Variants in NSUN2 observed in about 807,000 individuals in gnomAD.
The protein encoded by NSUN2 is NOP2/Sun RNA methyltransferase 2.
In NSUN2, 63 loss-of-function variants were observed where a neutral mutation model predicts 92.7. The observed-to-expected ratio is 0.68, with a 90% CI of 0.56 to 0.84. NSUN2 has a LOEUF of 0.84. Among genes scored for constraint, NSUN2 ranks in the 40% least tolerant of loss-of-function variants. The pLI, the probability that NSUN2 is intolerant of heterozygous loss-of-function variation, is 0.00. For synonymous variants in NSUN2, 356 were observed against 348.3 expected, an observed-to-expected ratio of 1.02 and a Z score of -0.25; for missense variants, 989 against 964.9, an observed-to-expected ratio of 1.02 and a Z score of -0.33.
intron 9 of NSUN2, among the ~76,000 whole-genome samples, chr5:6,613,779 G>A (rs1737096032): frequency 6.6e-6 from 1 of 152,182 alleles, no homozygotes; most frequent in African/African-American, 2.4e-5. Context: ...GGGAAAGAGG[G>A]TGTTATTTAC....
intron 3 of NSUN2, 57 bp downstream of exon 3, chr5:6,631,816 A>G (rs965926195): frequency 3.2e-6 from 4 of 1,251,414 alleles, no homozygotes; most frequent in Non-Finnish European, 4.6e-6. Flanking sequence ...ATATAATTCA[A>G]GTGATAGAGA....
chr5:6,626,541 G>A (rs567886325), intron 3 of NSUN2, among the ~76,000 whole-genome samples: 78 of 152,210 alleles, frequency 5.1e-4, no homozygotes, highest in African/African-American at 1.9e-3. Context: ...TAGAGATGTG[G>A]TTTTGCCGTG....
intron 2 of NSUN2, 83 bp from the exon 3 acceptor site, chr5:6,632,060 G>GTT (rs1737929767): frequency 8.7e-7 from 1 of 1,153,932 alleles, no homozygotes; most frequent in Non-Finnish European, 1.3e-6. Flanking sequence ...GACTGCAAGT[G>GTT]TTTTAAAACT....
rs776346313 is a variant in NSUN2, at chr5:6,611,727, T to C, written c.1093A>G (p.Lys365Glu). 7 of 1,613,862 alleles carry C rather than the reference T, an allele frequency of 4.3e-6. No homozygotes were observed. The highest frequency in any genetic ancestry group is 4.2e-6 in the Non-Finnish European group (5 of 1,179,880). ...LKWMPGITQW[K>E]VMTKDGQWFT... is the part of the protein sequence containing the mutation. ...GAAAGTTCTCGAGGAAAGGTTACCT[T>C]CCACTGTGTGATTCCAGGCATCCAC... is the stretch of plus-strand genomic sequence containing the variant. The change falls in exon 10 of 19, where the codon AAG (lysine) becomes GAG (glutamate). Residue 365 changes from lysine to glutamate, a missense_variant and splice_region_variant. Lys to Glu is a moderately conservative substitution (Grantham distance 56, BLOSUM62 1). Around this residue, in one of 3 missense-constraint regions of NSUN2, gnomAD observed 626 missense variants for 602.3 expected, o/e 1.04. Coordinates refer to ENST00000264670, the MANE Select transcript of NSUN2 (RefSeq NM_017755.6).
Position 6,605,715 on chromosome 5 carries a change from TG to T in NSUN2, c.1602-308del, listed in dbSNP as rs201407030. Among the ~76,000 whole-genome samples, 656 of 150,132 alleles carry T rather than the reference TG, an allele frequency of 4.4e-3. 1 individual carries two copies. Among genetic ancestry groups the T allele is most frequent in the African/African-American group, 9.9e-3 (406 of 41,160 alleles). The stretch of plus-strand genomic sequence containing the variant: ...ACTTTTGAGACTTTTTTTTTTTTTT[TG>T]ATATGGAGTCTTGCTCTGTCTTCCA... On this transcript the variant is annotated intron_variant, in intron 14 of 18. Coordinates refer to ENST00000264670, the MANE Select transcript of NSUN2 (RefSeq NM_017755.6).
intron 18 of NSUN2, among the ~76,000 whole-genome samples, chr5:6,601,634 C>G (rs1736562400): frequency 6.6e-6 from 1 of 152,092 alleles, no homozygotes; most frequent in Admixed American, 6.5e-5. Context: ...TGGGCCCGCC[C>G]CGACCCCCAG....
chr5:6,626,196 G>A (rs1737647672), intron 3 of NSUN2, among the ~76,000 whole-genome samples: 1 of 152,058 alleles, frequency 6.6e-6, no homozygotes, highest in African/African-American at 2.4e-5. Context: ...TCCTACCTTG[G>A]AAACCACTAA....
In NSUN2 at chr5:6,614,094, GGAAAAAA is replaced by G. The variant is rs1365830442; in HGVS notation, c.1022-2303_1022-2297del. 4.3e-4 allele frequency among the ~76,000 whole-genome samples: 23 copies of G among 53,408 alleles called. 3 individuals are homozygous for G. Among genetic ancestry groups the G allele is most frequent in the Admixed American group, 7.0e-4 (3 of 4,314 alleles). The allele number at this position is 53,408 out of a possible 152,430, so 35.0% of individuals were successfully genotyped here. On this transcript the variant is annotated intron_variant, in intron 9 of 18. Coordinates refer to ENST00000264670, the MANE Select transcript of NSUN2 (RefSeq NM_017755.6). Reference sequence around the variant, plus strand: ...CTGGGCAACAGAGCGAGACTGTCTCGGAAAAAAAAAAAAAAAAAAAAAAAAAAACCCA... The same window carrying G: ...CTGGGCAACAGAGCGAGACTGTCTCGAAAAAAAAAAAAAAAAAAAAACCCA...
At chr5:6,602,843 AC>A (rs1736611735) in intron 17 of NSUN2, among the ~76,000 whole-genome samples, 1 of 152,218 alleles carries the variant, frequency 6.6e-6, no homozygotes, top group Admixed American at 6.5e-5. Flanking sequence ...TATAACACCA[AC>A]TCCCAGAATG....
chr5:6,630,530 T>C (rs948784512), intron 3 of NSUN2, among the ~76,000 whole-genome samples: 18 of 152,194 alleles, frequency 1.2e-4, no homozygotes, highest in Non-Finnish European at 1.3e-4. Context: ...TATTCCTATA[T>C]CCCAGCAACA....
Position 6,604,275 on chromosome 5 carries a change from C to G in NSUN2, c.1820G>C (p.Gly607Ala). ...FDCAFRLAQE[G>A]IYTLYPFINS... ...AATAAATGGATACAATGTATATATT[C>G]CCTGTGTGAATAAAGAGAATGAGAG... Residue 607 changes from glycine to alanine, a missense_variant and splice_region_variant, in exon 17 of 19, where the codon GGA becomes GCA. Physicochemically the swap from Gly to Ala is moderately conservative, Grantham distance 60. Coordinates refer to ENST00000264670, the MANE Select transcript of NSUN2 (RefSeq NM_017755.6). 1 of 1,588,430 alleles carries G rather than the reference C, an allele frequency of 6.3e-7. No homozygotes were observed. Among genetic ancestry groups the G allele is most frequent in the Non-Finnish European group, 8.6e-7 (1 of 1,159,912 alleles).
chr5:6,604,960 C>A (rs1330024626), intron 15 of NSUN2: 1 of 594,938 alleles, frequency 1.7e-6, no homozygotes, highest in Non-Finnish European at 3.0e-6. Context: ...GGCAGCAGTA[C>A]TCGCAGCCTC....
Position 6,632,939 on chromosome 5 carries a change from T to C in NSUN2, c.41A>G (p.Gln14Arg). 1 of 1,508,018 alleles carries C rather than the reference T, an allele frequency of 6.6e-7. No individual in the cohort carries two copies. Among genetic ancestry groups the C allele is most frequent in the Non-Finnish European group, 8.8e-7 (1 of 1,135,920 alleles). The allele number at this position is 1,508,018 out of a possible 1,614,324, so 93.4% of individuals were successfully genotyped here. The change falls in exon 1 of 19, where the codon CAG becomes CGG. Residue 14 changes from glutamine to arginine, a missense_variant. By Grantham distance (43) the Gln-to-Arg change is conservative. Coordinates refer to ENST00000264670, the MANE Select transcript of NSUN2 (RefSeq NM_017755.6). ...RSRGRRLQQQ[Q>R]RPEDAEDGAE... Reference sequence around the variant, plus strand: ...GCCATCCTCCGCGTCCTCCGGCCGCTGCTGTTGCTGGAGCCGCCGACCCCG... The same window carrying C: ...GCCATCCTCCGCGTCCTCCGGCCGCCGCTGTTGCTGGAGCCGCCGACCCCG...
intron 6 of NSUN2, chr5:6,621,010 T>C (rs1351994245): frequency 6.6e-6 from 1 of 152,158 alleles, no homozygotes. Flanking sequence ...GCATTATCTT[T>C]AAACAATGTA....
intron 9 of NSUN2, among the ~76,000 whole-genome samples, chr5:6,612,678 T>C (rs1737049088): frequency 6.6e-6 from 1 of 152,250 alleles, no homozygotes; most frequent in Non-Finnish European, 1.5e-5. Context: ...AAGAAACCTT[T>C]GAAGCAAGCA....
chr5:6,599,870 C>T lies in NSUN2; in HGVS notation c.*56G>A, dbSNP rs1373314483. 3 of 1,526,332 alleles carry T rather than the reference C, an allele frequency of 2.0e-6. No homozygotes were observed. Among genetic ancestry groups the T allele is most frequent in the East Asian group, 2.3e-5 (1 of 44,370 alleles). The allele number at this position is 1,526,332 out of a possible 1,614,324, so 94.5% of individuals were successfully genotyped here. On this transcript the variant is annotated 3_prime_UTR_variant, in exon 19 of 19. Transcript: ENST00000264670. ...GGATTTGGTTTCAGACACCAGTGAC[C>T]AGAAGAAGCCAGTTTTGCGTGTGAG...
intron 9 of NSUN2, among the ~76,000 whole-genome samples, chr5:6,612,925 G>A (rs755659074): frequency 2.6e-5 from 4 of 152,134 alleles, no homozygotes; most frequent in Non-Finnish European, 4.4e-5. Flanking sequence ...GGTGGGGAAC[G>A]CACACCCCCT....
At chr5:6,618,613 T>C (rs924883894) in intron 7 of NSUN2, among the ~76,000 whole-genome samples, 71 of 152,352 alleles carry the variant, frequency 4.7e-4, no homozygotes, top group African/African-American at 1.5e-3. Context: ...TAATAAATTT[T>C]CCATAGTAAT....
At chr5:6,603,510 T>G (rs1467221314) in intron 17 of NSUN2, among the ~76,000 whole-genome samples, 1 of 152,034 alleles carries the variant, frequency 6.6e-6, no homozygotes, top group African/African-American at 2.4e-5. Flanking sequence ...GCTAACACGG[T>G]GAAACCCCGT....
Sources: gnomAD v4.1 joint callset for allele counts (sites outside exome capture counted in the v4.1 genomes callset) on GRCh38, gnomAD v4.1.1 for gene constraint, gnomAD v4.1.1 regional missense constraint, MANE v1.5 for transcripts, NCBI Gene and HGNC (gene_info 2026-07-23, HGNC 2026-07-21) for gene names.